The following CTNNA3 variants were observed in gnomAD, a reference collection of about 807,000 sequenced individuals.
CTNNA3 encodes catenin alpha 3, also known as catenin alpha-3.
Under a neutral mutation model 95.7 loss-of-function variants are expected in CTNNA3, and 76 were observed. The observed-to-expected ratio is 0.79, with a 90% CI of 0.66 to 0.96. CTNNA3 has a LOEUF of 0.96. Among genes scored for constraint, CTNNA3 ranks in the 40% least tolerant of loss-of-function variants. CTNNA3 has a pLI of 0.00. For synonymous variants in CTNNA3, 431 were observed against 374.4 expected (o/e 1.15, Z -1.74); for missense variants, 1,191 against 1,089.8 (o/e 1.09, Z -1.31).
intron 12 of CTNNA3, among the ~76,000 whole-genome samples, chr10:66,333,311 T>C (rs146386777): frequency 0.062 from 9,502 of 152,168 alleles, 445 homozygotes; most frequent in East Asian, 0.2. Context: ...GTTCTTTTCA[T>C]TGTGATGTTA....
intron 13 of CTNNA3, among the ~76,000 whole-genome samples, chr10:66,263,823 C>A (rs2091077509): frequency 6.6e-6 from 1 of 151,914 alleles, no homozygotes; most frequent in Admixed American, 6.6e-5. Flanking sequence ...ACTTGATCAT[C>A]TATATTCCCA....
chr10:67,682,106 C>T (rs187363811), intron 1 of CTNNA3, among the ~76,000 whole-genome samples: 24 of 148,538 alleles, frequency 1.6e-4, no homozygotes, highest in African/African-American at 5.0e-4. Context: ...TGCAGTGAGC[C>T]GAGATTGCGC....
rs138958621 is a variant in CTNNA3 at position 67,605,265 on chromosome 10, C to T, written c.292+1592G>A. Among the ~76,000 whole-genome samples the T allele has an allele frequency of 9.9e-4, 150 of 152,248 alleles. 1 individual carries two copies. Among genetic ancestry groups the T allele is most frequent in the African/African-American group, 3.5e-3 (147 of 41,548 alleles). ...ATCATGCTAAGTGGAATAAGCTAGA[C>T]ATAGAAAGAAAACTATTGCAGGATC... On this transcript the variant is annotated intron_variant, in intron 3 of 17. Transcript: ENST00000433211.
intron 12 of CTNNA3, among the ~76,000 whole-genome samples, chr10:66,301,228 G>T (rs1189212812): frequency 2.6e-5 from 4 of 151,926 alleles, no homozygotes; most frequent in African/African-American, 9.7e-5. Flanking sequence ...AGACTCACTG[G>T]TTAATTCTAC....
intron 5 of CTNNA3, among the ~76,000 whole-genome samples, chr10:67,521,444 T>C (rs944939445): frequency 6.6e-6 from 1 of 152,214 alleles, no homozygotes; most frequent in South Asian, 2.1e-4. Context: ...TTCCTTAATG[T>C]TGCATGTACA....
At chr10:66,282,875 T>C (rs2091518615) in intron 12 of CTNNA3, among the ~76,000 whole-genome samples, 1 of 151,856 alleles carries the variant, frequency 6.6e-6, no homozygotes, top group Non-Finnish European at 1.5e-5. Flanking sequence ...AAATAAATGA[T>C]CGAATGAATT....
intron 7 of CTNNA3, among the ~76,000 whole-genome samples, chr10:66,999,632 C>A (rs1564822257): frequency 1.3e-5 from 2 of 152,060 alleles, no homozygotes; most frequent in East Asian, 3.8e-4. Context: ...CTTCCGGAAA[C>A]ATAAACTAGA....
chr10:66,326,879 T>C (rs1439969708), intron 12 of CTNNA3, among the ~76,000 whole-genome samples: 2 of 152,158 alleles, frequency 1.3e-5, no homozygotes, highest in Non-Finnish European at 2.9e-5. Context: ...TTTCAATATG[T>C]GTTTTTAGTC....
intron 15 of CTNNA3, among the ~76,000 whole-genome samples, chr10:66,039,317 G>T (rs970678939): frequency 3.3e-5 from 5 of 152,180 alleles, no homozygotes; most frequent in African/African-American, 1.2e-4. Flanking sequence ...ACTGGCCGAA[G>T]CAATTTATAG....
At chr10:67,199,186 G>A (rs1373336670) in intron 6 of CTNNA3, among the ~76,000 whole-genome samples, 1 of 152,174 alleles carries the variant, frequency 6.6e-6, no homozygotes, top group African/African-American at 2.4e-5. Context: ...AAACACTCTT[G>A]TGTCATTCAC....
chr10:66,511,059 C>T (rs1489348580), intron 11 of CTNNA3, among the ~76,000 whole-genome samples: 1 of 142,276 alleles, frequency 7.0e-6, no homozygotes, highest in Non-Finnish European at 1.5e-5. Flanking sequence ...CTGATTTAAT[C>T]TTCTTATTTG....
intron 1 of CTNNA3, among the ~76,000 whole-genome samples, chr10:67,757,463 G>C (rs1457610943): frequency 1.3e-5 from 2 of 152,178 alleles, no homozygotes; most frequent in Non-Finnish European, 2.9e-5. Flanking sequence ...GACTGAGAGA[G>C]GCAGACCCAC....
chr10:65,952,450 C>T (rs2133212118), intron 17 of CTNNA3, among the ~76,000 whole-genome samples: 1 of 152,078 alleles, frequency 6.6e-6, no homozygotes, highest in South Asian at 2.1e-4. Flanking sequence ...TCTTGCTTCT[C>T]CTCCTTTCCC....
At chr10:67,686,858 G>C (rs547912736) in intron 1 of CTNNA3, among the ~76,000 whole-genome samples, 1 of 152,228 alleles carries the variant, frequency 6.6e-6, no homozygotes, top group Non-Finnish European at 1.5e-5. Flanking sequence ...CCTTGAGTTT[G>C]TTCCTTCCAA....
At chr10:67,637,047 C>T (rs1839340727) in intron 2 of CTNNA3, among the ~76,000 whole-genome samples, 1 of 152,138 alleles carries the variant, frequency 6.6e-6, no homozygotes, top group Admixed American at 6.6e-5. Flanking sequence ...AAGAAGACTT[C>T]AGATGATCAA....
intron 5 of CTNNA3, among the ~76,000 whole-genome samples, chr10:67,372,734 G>A (rs1055378365): frequency 1.3e-5 from 2 of 152,118 alleles, no homozygotes; most frequent in East Asian, 1.9e-4. Context: ...GAGAAAGGTC[G>A]GGTTACCCAC....
intron 9 of CTNNA3, among the ~76,000 whole-genome samples, chr10:66,763,925 T>C (rs1180940976): frequency 6.6e-6 from 1 of 152,212 alleles, no homozygotes; most frequent in Non-Finnish European, 1.5e-5. Context: ...CCTGCCAGTA[T>C]GTGACAGCAA....
At chr10:67,105,962 A>T (rs1589746037) in intron 7 of CTNNA3, among the ~76,000 whole-genome samples, 1 of 151,994 alleles carries the variant, frequency 6.6e-6, no homozygotes, top group African/African-American at 2.4e-5. Flanking sequence ...ATCCTTCAAA[A>T]CTCCCTGCCA....
chr10:67,529,697 T>G (rs553198465), intron 4 of CTNNA3, among the ~76,000 whole-genome samples: 1 of 151,932 alleles, frequency 6.6e-6, no homozygotes, highest in Non-Finnish European at 1.5e-5. Flanking sequence ...AAAATATACG[T>G]TTGAAAAAAA....
Sources: gnomAD v4.1 joint callset for allele counts (sites outside exome capture counted in the v4.1 genomes callset) on GRCh38, gnomAD v4.1.1 for gene constraint, MANE v1.5 for transcripts, NCBI Gene and HGNC (gene_info 2026-07-23, HGNC 2026-07-21) for gene names.